Variants in THAP4 observed in about 807,000 individuals in gnomAD.
THAP4 encodes THAP domain containing 4.
Under a neutral mutation model 48.1 loss-of-function variants are expected in THAP4, and 18 were observed. That is an observed-to-expected ratio of 0.37 (90% CI 0.26 to 0.56). The LOEUF (loss-of-function observed/expected upper bound fraction) is 0.56, where lower values mean the gene tolerates loss of function less well. THAP4 is among the 20% of genes least tolerant of loss of function. The pLI, the probability that THAP4 is intolerant of heterozygous loss-of-function variation, is 0.78. For synonymous variants in THAP4, 345 were observed against 324.9 expected (o/e 1.06, Z -0.66); for missense variants, 656 against 774.9 (o/e 0.85, Z 1.82).
chr2:241,620,323 GT>G, intron 2 of THAP4, among the ~76,000 whole-genome samples: 1 of 100,526 alleles, frequency 9.9e-6, no homozygotes, highest in Non-Finnish European at 2.0e-5. Context: ...GGGTGAGTGA[GT>G]CGGTGAGTGA....
Position 241,616,731 on chromosome 2 carries a change from A to G in THAP4, c.1241-10258T>C, listed in dbSNP as rs901610078. Among the ~76,000 whole-genome samples, 46 of 152,140 alleles carry G rather than the reference A, an allele frequency of 3.0e-4. No homozygotes were observed. Among genetic ancestry groups the G allele is most frequent in the African/African-American group, 1.0e-3 (43 of 41,416 alleles). Reference sequence around the variant, plus strand: ...AGCAGAAAAAATAACATCAGACTGGAAAGGAAGGAGCACGCGGCTAAGCAA... The same window carrying G: ...AGCAGAAAAAATAACATCAGACTGGGAAGGAAGGAGCACGCGGCTAAGCAA... On this transcript the variant is annotated intron_variant, in intron 2 of 5. Coordinates refer to ENST00000407315, the MANE Select transcript of THAP4 (RefSeq NM_015963.6). This position sits in a 1 kb window ranked among gnomAD's most constrained non-coding sequence, Gnocchi z 4.6.
chr2:241,620,784 C>T (rs1490570046), intron 2 of THAP4, among the ~76,000 whole-genome samples: 4 of 152,008 alleles, frequency 2.6e-5, no homozygotes, highest in East Asian at 1.9e-4. Context: ...AATTGTACTA[C>T]GATGTTACAA....
chr2:241,614,290 G>A (rs2067312430), intron 2 of THAP4, among the ~76,000 whole-genome samples: 1 of 152,062 alleles, frequency 6.6e-6, no homozygotes, highest in East Asian at 1.9e-4. Flanking sequence ...TAAGCAATAA[G>A]GAAGCAGGCT....
intron 5 of THAP4, among the ~76,000 whole-genome samples, chr2:241,599,449 A>G (rs1292025935): frequency 1.3e-5 from 2 of 152,190 alleles, no homozygotes; most frequent in African/African-American, 4.8e-5. Flanking sequence ...TTCAACACAG[A>G]GAAATCAGAA....
intron 3 of THAP4, among the ~76,000 whole-genome samples, chr2:241,603,397 C>T (rs1257750100): frequency 1.7e-4 from 23 of 137,522 alleles, no homozygotes; most frequent in African/African-American, 5.1e-4. Flanking sequence ...CACACCCGCA[C>T]ACCTGCCCGC....
At chr2:241,608,442 C>G (rs1045008768) in intron 2 of THAP4, among the ~76,000 whole-genome samples, 1 of 152,150 alleles carries the variant, frequency 6.6e-6, no homozygotes, top group Non-Finnish European at 1.5e-5. Context: ...CTCAGACTCC[C>G]GGTGAAAAGT....
intron 2 of THAP4, among the ~76,000 whole-genome samples, chr2:241,621,953 C>A (rs1420906451): frequency 6.6e-6 from 1 of 151,184 alleles, no homozygotes. Context: ...AAAAAAAAAA[C>A]CAAACCAAAC....
rs11411349 is a variant in THAP4, at chr2:241,628,736, CA to C, written c.1240+4180del. On this transcript the variant is annotated intron_variant, in intron 2 of 5. Transcript: ENST00000407315. The stretch of plus-strand genomic sequence containing the variant: ...CCAACATGGCAAAACCCCATCTCTA[CA>C]AAAAAAAAAACAAAAAACAAAAAAA... Among the ~76,000 whole-genome samples, 935 of 125,506 alleles carry C rather than the reference CA, an allele frequency of 7.4e-3. 11 individuals are homozygous for C. Among genetic ancestry groups the C allele is most frequent in the African/African-American group, 0.026 (871 of 34,070 alleles). 82.3% of individuals were successfully genotyped at this position (125,506 alleles called of 152,430 possible).
rs1342486063 is a variant in THAP4 at position 241,633,168 on chromosome 2, T to C, written c.989A>G (p.Glu330Gly). The C allele has an allele frequency of 6.2e-7, 1 of 1,608,938 alleles. No homozygotes were observed. The highest frequency in any genetic ancestry group is 8.5e-7 in the Non-Finnish European group (1 of 1,176,896). ...GGCCCCTGACGCCGACAGGATGACC[T>C]CGTTGATGGACATGGGGCTGGCGTC... Reference protein sequence around the residue: ...HSDASPMSINEVILSASGACK... With the variant: ...HSDASPMSINGVILSASGACK... The change falls in exon 2 of 6, where the codon GAG becomes GGG. Residue 330 changes from glutamate (E) to glycine (G), a missense_variant. Physicochemically the swap from Glu to Gly is moderately conservative, Grantham distance 98 (BLOSUM62 -2). This residue lies in a region of THAP4 where 391 missense variants were observed against 412.4 expected (regional missense o/e 0.95). Coordinates refer to ENST00000407315, the MANE Select transcript of THAP4 (RefSeq NM_015963.6). This position sits in a 1 kb window ranked among gnomAD's most constrained non-coding sequence, Gnocchi z 7.5.
intron 5 of THAP4, among the ~76,000 whole-genome samples, chr2:241,586,949 A>G (rs1575014330): frequency 6.6e-6 from 1 of 152,218 alleles, no homozygotes; most frequent in Non-Finnish European, 1.5e-5. Context: ...ATCATGGCCA[A>G]TTTTCTGAGC....
intron 2 of THAP4, among the ~76,000 whole-genome samples, chr2:241,628,800 C>T (rs1236647111): frequency 6.7e-6 from 1 of 150,026 alleles, no homozygotes; most frequent in African/African-American, 2.5e-5. Flanking sequence ...ATTAGCCGGG[C>T]ATGATGGCAC....
intron 5 of THAP4, among the ~76,000 whole-genome samples, chr2:241,598,540 G>T (rs1559220631): frequency 2.6e-5 from 4 of 152,308 alleles, no homozygotes; most frequent in Admixed American, 1.3e-4. Context: ...CTGTGGGGGT[G>T]GGGGTGGTTT....
At chr2:241,604,257 A>T (rs2125078120) in intron 3 of THAP4, among the ~76,000 whole-genome samples, 1 of 149,498 alleles carries the variant, frequency 6.7e-6, no homozygotes, top group South Asian at 2.1e-4. Context: ...TTATTTATTT[A>T]TTTATTTTTT....
At chr2:241,624,235 C>A (rs1329767456) in intron 2 of THAP4, among the ~76,000 whole-genome samples, 1 of 152,220 alleles carries the variant, frequency 6.6e-6, no homozygotes, top group African/African-American at 2.4e-5. Context: ...CGCCTATAAT[C>A]CCAGCACTGT....
intron 2 of THAP4, among the ~76,000 whole-genome samples, chr2:241,618,890 C>CCTCT (rs1263059665): frequency 6.6e-6 from 1 of 152,170 alleles, no homozygotes; most frequent in Non-Finnish European, 1.5e-5. Flanking sequence ...GAAATGAGCC[C>CCTCT]AGAGCGTTCT....
At chr2:241,609,583 T>C (rs1433460080) in intron 2 of THAP4, among the ~76,000 whole-genome samples, 2 of 152,140 alleles carry the variant, frequency 1.3e-5, no homozygotes, top group African/African-American at 4.8e-5. Context: ...GGTCAGGAGT[T>C]TGAGACCAGC....
intron 2 of THAP4, among the ~76,000 whole-genome samples, chr2:241,630,701 C>T (rs1018874340): frequency 1.3e-5 from 2 of 151,774 alleles, no homozygotes; most frequent in Non-Finnish European, 2.9e-5. Context: ...ATTGCTTGAA[C>T]CCGGGAGGTG....
chr2:241,588,019 AGAAG>A lies in THAP4; in HGVS notation c.1615-3298_1615-3295del, dbSNP rs562678447. On this transcript the variant is annotated intron_variant, in intron 5 of 5. Transcript: ENST00000407315. The stretch of plus-strand genomic sequence containing the variant: ...AAGAAAAAAGTAAAAAGGAGAGAAA[AGAAG>A]GAAGGAAGGAAGGGAGGGAGGGAGG... Among the ~76,000 whole-genome samples, 468 of 141,304 alleles carry A rather than the reference AGAAG, an allele frequency of 3.3e-3. 2 individuals are homozygous for A. Among genetic ancestry groups the A allele is most frequent in the African/African-American group, 0.01 (411 of 39,566 alleles). 92.7% of individuals were successfully genotyped at this position (141,304 alleles called of 152,430 possible).
In THAP4 at chr2:241,637,084, C is replaced by G; in HGVS notation, c.-67G>C. 9.6e-7 allele frequency: 1 copy of G among 1,045,512 alleles called. No individual in the cohort carries two copies. The highest frequency in any genetic ancestry group is 1.1e-6 in the Non-Finnish European group (1 of 870,826). 64.8% of individuals were successfully genotyped at this position (1,045,512 alleles called of 1,614,324 possible). A position where few individuals can be genotyped will look rare whatever the true frequency, so the allele number is the denominator to read the frequency against. Reference sequence around the variant, plus strand: ...GCCGCCCGCCCGCCCGCGGACCGCCCCGAGGGAGGGAGCGCGGCGGCGACA... The same window carrying G: ...GCCGCCCGCCCGCCCGCGGACCGCCGCGAGGGAGGGAGCGCGGCGGCGACA... On this transcript the variant is annotated 5_prime_UTR_variant, in exon 1 of 6. Transcript: ENST00000407315.
Sources: gnomAD v4.1 joint callset for allele counts (sites outside exome capture counted in the v4.1 genomes callset) on GRCh38, gnomAD v4.1.1 for gene constraint, gnomAD v4.1.1 regional missense constraint, Gnocchi (gnomAD v3.1) non-coding constraint, MANE v1.5 for transcripts, NCBI Gene and HGNC (gene_info 2026-07-23, HGNC 2026-07-21) for gene names.